Variants in COLEC10 observed in about 807,000 individuals in gnomAD.
COLEC10 encodes collectin subfamily member 10.
In COLEC10, 22 loss-of-function variants were observed where a neutral mutation model predicts 28.4. The ratio of observed to expected loss-of-function variants is 0.78; its 90% CI spans 0.55 to 1.11. The LOEUF (loss-of-function observed/expected upper bound fraction) is 1.11. Among genes scored for constraint, COLEC10 ranks in the 50% least tolerant of loss-of-function variants. The probability of loss-of-function intolerance (pLI) is 0.00; values close to 1 mark genes in which losing one functional copy is unlikely to be tolerated. For missense variants in COLEC10, 361 were observed against 344.1 expected, an observed-to-expected ratio of 1.05 and a Z score of -0.39; for synonymous variants, 125 against 116.1, an observed-to-expected ratio of 1.08 and a Z score of -0.49.
At chr8:119,064,555 C>T (rs1460877967), upstream of COLEC10, among the ~76,000 whole-genome samples, 2 of 152,126 alleles carry the variant, frequency 1.3e-5, no homozygotes, top group Admixed American at 1.3e-4. Context: ...TGCCTAGTGG[C>T]AATTGACATT....
intron 1 of COLEC10, among the ~76,000 whole-genome samples, chr8:119,082,447 T>C (rs773967815): frequency 5.9e-5 from 9 of 152,332 alleles, no homozygotes; most frequent in Non-Finnish European, 1.2e-4. Flanking sequence ...AATCACCTAT[T>C]TACTGCTTCT....
intron 2 of COLEC10, among the ~76,000 whole-genome samples, chr8:119,037,048 G>C (rs973233972): frequency 6.6e-6 from 1 of 152,088 alleles, no homozygotes. Context: ...CAAAGAGGAT[G>C]GTTAAAAAGT....
At chr8:119,077,910 T>C (rs2450077) in intron 1 of COLEC10, among the ~76,000 whole-genome samples, 109,617 of 152,178 alleles carry the variant, frequency 0.72, 40,576 homozygotes, top group African/African-American at 0.89. Flanking sequence ...TTTGTTCATG[T>C]TTCTGCAGAC....
intron 2 of COLEC10, among the ~76,000 whole-genome samples, chr8:119,090,837 A>T (rs1336286757): frequency 1.3e-5 from 2 of 152,232 alleles, no homozygotes; most frequent in African/African-American, 2.4e-5. Flanking sequence ...AATCGAGTCA[A>T]GAATACTTTC....
intron 3 of COLEC10, among the ~76,000 whole-genome samples, chr8:119,092,891 G>GGT (rs1815638327): frequency 6.6e-6 from 1 of 151,984 alleles, no homozygotes; most frequent in Admixed American, 6.6e-5. Flanking sequence ...GGGAGATAGA[G>GGT]TGAGATTCCA....
chr8:119,102,370 G>T lies in COLEC10; in HGVS notation c.315G>T (p.Leu105Phe). 1.2e-6 allele frequency: 2 copies of T among 1,607,876 alleles called. No individual in the cohort carries two copies. Among genetic ancestry groups the T allele is most frequent in the African/African-American group, 1.3e-5 (1 of 74,410 alleles). The change falls in exon 4 of 6, where the codon TTG becomes TTT. Residue 105 changes from leucine to phenylalanine, a missense_variant. Around this residue, in one of 3 missense-constraint regions of COLEC10, gnomAD observed 335 missense variants for 308.5 expected, o/e 1.09. Coordinates refer to ENST00000332843, the MANE Select transcript of COLEC10 (RefSeq NM_006438.5). Reference sequence around the variant, plus strand: ...CAGGTGACAAAGGGGAAAAAGGTTTGCTTGGAATACCTGGAGAAAAAGGCA... The same window carrying T: ...CAGGTGACAAAGGGGAAAAAGGTTTTCTTGGAATACCTGGAGAAAAAGGCA... ...GKKGDKGEKGLLGIPGEKGKA... is the reference protein window; with the variant it reads ...GKKGDKGEKGFLGIPGEKGKA...
chr8:119,048,807 C>T (rs1014669316), intron 2 of COLEC10, among the ~76,000 whole-genome samples: 1 of 152,016 alleles, frequency 6.6e-6, no homozygotes, highest in Non-Finnish European at 1.5e-5. Context: ...CACTCTATAG[C>T]TTTTAAATGG....
At chr8:119,044,347 G>A (rs1362526265) in intron 2 of COLEC10, among the ~76,000 whole-genome samples, 1 of 152,160 alleles carries the variant, frequency 6.6e-6, no homozygotes, top group Admixed American at 6.5e-5. Flanking sequence ...AAAAGTGGGC[G>A]GGTAACACTA....
chr8:119,106,510 C>T lies in COLEC10; in HGVS notation c.*319C>T, dbSNP rs1815947655. On this transcript the variant is annotated 3_prime_UTR_variant, in exon 6 of 6. Coordinates refer to ENST00000332843, the MANE Select transcript of COLEC10 (RefSeq NM_006438.5). ...TTGGTATTTGCTCTACCATCTCTCC[C>T]TAGAGCACTCTGTGTCTATCCCAGT... 4.1e-6 allele frequency: 1 copy of T among 244,298 alleles called. No individual in the cohort carries two copies. Among genetic ancestry groups the T allele is most frequent in the Non-Finnish European group, 8.2e-6 (1 of 122,372 alleles). 15.1% of individuals were successfully genotyped at this position (244,298 alleles called of 1,614,324 possible). A position where few individuals can be genotyped will look rare whatever the true frequency, so the allele number is the denominator to read the frequency against.
the COLEC10 span, among the ~76,000 whole-genome samples, chr8:118,958,249 T>C: frequency 6.6e-6 from 1 of 152,174 alleles, no homozygotes; most frequent in South Asian, 2.1e-4. Flanking sequence ...ACATGGCATT[T>C]GGTGAGAATT....
At chr8:119,069,697 A>G (rs1815064591) in intron 1 of COLEC10, among the ~76,000 whole-genome samples, 1 of 138,686 alleles carries the variant, frequency 7.2e-6, no homozygotes, top group African/African-American at 2.6e-5. Flanking sequence ...TTCCTTCATG[A>G]ATACTGTGAC....
At chr8:119,025,193 AT>A (rs1814168872) in intron 2 of COLEC10, among the ~76,000 whole-genome samples, 1 of 152,196 alleles carries the variant, frequency 6.6e-6, no homozygotes, top group Non-Finnish European at 1.5e-5. Context: ...CTAAAACTAA[AT>A]GGAAAGAAAG....
At chr8:119,102,286 T>C in intron 3 of COLEC10, 62 bp from the exon 4 acceptor site, 2 of 1,029,542 alleles carry the variant, frequency 1.9e-6, no homozygotes, top group Non-Finnish European at 2.9e-6. Flanking sequence ...CCTTCCTTCC[T>C]TTTTTCCTTT....
At chr8:119,051,126 A>T (rs976954835) in intron 2 of COLEC10, among the ~76,000 whole-genome samples, 1 of 151,458 alleles carries the variant, frequency 6.6e-6, no homozygotes, top group Non-Finnish European at 1.5e-5. Flanking sequence ...TGTGAGATTT[A>T]AAAAAAAATG....
intron 2 of COLEC10, among the ~76,000 whole-genome samples, chr8:119,030,987 T>C (rs1031547501): frequency 1.3e-5 from 2 of 152,180 alleles, no homozygotes; most frequent in Admixed American, 6.5e-5. Flanking sequence ...ATGGAAACCA[T>C]ATCTAAAGGT....
chr8:119,058,102 C>T (rs893485990), intron 2 of COLEC10, among the ~76,000 whole-genome samples: 2 of 152,002 alleles, frequency 1.3e-5, no homozygotes, highest in Admixed American at 6.6e-5. Context: ...CTTAAGATTA[C>T]TAACTTCCTG....
chr8:119,054,477 A>T (rs938906898), intron 2 of COLEC10, among the ~76,000 whole-genome samples: 7 of 152,112 alleles, frequency 4.6e-5, no homozygotes, highest in Non-Finnish European at 1.0e-4. Context: ...GGAAGCATGT[A>T]AGAGATAAAG....
At chr8:119,078,345 CTT>C in intron 1 of COLEC10, among the ~76,000 whole-genome samples, 1 of 152,244 alleles carries the variant, frequency 6.6e-6, no homozygotes, top group East Asian at 1.9e-4. Flanking sequence ...CAGTGGAAGT[CTT>C]TGAGTAGAAC....
chr8:119,053,199 G>A (rs535997809), intron 2 of COLEC10, among the ~76,000 whole-genome samples: 167 of 152,206 alleles, frequency 1.1e-3, no homozygotes, highest in South Asian at 2.3e-3. Context: ...ACCGTAAAAG[G>A]GGGGACTATG....
Sources: gnomAD v4.1 joint callset for allele counts (sites outside exome capture counted in the v4.1 genomes callset) on GRCh38, gnomAD v4.1.1 for gene constraint, gnomAD v4.1.1 regional missense constraint, MANE v1.5 for transcripts, NCBI Gene and HGNC (gene_info 2026-07-23, HGNC 2026-07-21) for gene names.